The following CSMD2 variants were observed in gnomAD, a reference collection of about 807,000 sequenced individuals.
The protein encoded by CSMD2 is CUB and sushi domain-containing protein 2.
In CSMD2, 130 loss-of-function variants were observed where a neutral mutation model predicts 398.5. That is an observed-to-expected ratio of 0.33 (90% CI 0.28 to 0.38). The LOEUF is 0.38. Among genes scored for constraint, CSMD2 ranks in the 10% least tolerant of loss-of-function variants. The pLI, the probability that CSMD2 is intolerant of heterozygous loss-of-function variation, is 1.00. For missense variants in CSMD2, 3,829 were observed against 4,764.9 expected (o/e 0.80, Z 5.78); for synonymous variants, 1,828 against 1,908.5 (o/e 0.96, Z 1.10).
intron 42 of CSMD2, among the ~76,000 whole-genome samples, chr1:33,603,444 A>C (rs1640368130): frequency 6.6e-6 from 1 of 152,216 alleles, no homozygotes; most frequent in Non-Finnish European, 1.5e-5. Context: ...GGCATCAAGC[A>C]GACATCTGGT....
At chr1:33,535,111 C>T (rs533503214) in intron 62 of CSMD2, among the ~76,000 whole-genome samples, 3 of 152,278 alleles carry the variant, frequency 2.0e-5, no homozygotes, top group South Asian at 4.1e-4. Flanking sequence ...ATGACCTGTC[C>T]CATGCTGCCG....
In CSMD2 at chr1:33,645,412, A is replaced by G. The variant is rs578021000; in HGVS notation, c.4774+1236T>C. 8.6e-5 allele frequency among the ~76,000 whole-genome samples: 13 copies of G among 151,866 alleles called. No homozygotes were observed. The East Asian group carries it at 2.5e-3, about 29-fold the overall frequency. Reference sequence around the variant, plus strand: ...ACACACATATATAAAATATGCATGTATAAAATATCTTTTAATCTTAACCTC... The same window carrying G: ...ACACACATATATAAAATATGCATGTGTAAAATATCTTTTAATCTTAACCTC... On this transcript the variant is annotated intron_variant, in intron 29 of 70. Transcript: ENST00000373381.
chr1:33,627,155 T>C (rs1642178812), intron 32 of CSMD2, among the ~76,000 whole-genome samples: 1 of 152,166 alleles, frequency 6.6e-6, no homozygotes, highest in South Asian at 2.1e-4. Flanking sequence ...TCAAAGAAAG[T>C]GCTATCAATA....
At chr1:34,010,914 C>T (rs1647259808) in intron 3 of CSMD2, among the ~76,000 whole-genome samples, 2 of 152,186 alleles carry the variant, frequency 1.3e-5, no homozygotes, top group African/African-American at 2.4e-5. Flanking sequence ...CATGAGCCAC[C>T]GCGCCTGGCC....
chr1:33,739,259 C>T lies in CSMD2; in HGVS notation c.2249G>A (p.Gly750Asp), dbSNP rs1400452861. Residue 750 changes from glycine (G) to aspartate (D), a missense_variant, in exon 15 of 71, where the codon GGC becomes GAC. Gly to Asp is a moderately conservative substitution (Grantham distance 94, BLOSUM62 -1). Transcript: ENST00000373381. ...ATCACAGAGGAAGGAGATGGAGCTG[C>T]CCAGCTGGAGGCTGTCCCCAAACCG... ...GKRFGDSLQL[G>D]SSISFLCDEG... 1.2e-6 allele frequency: 2 copies of T among 1,614,092 alleles called. No homozygotes were observed. The highest frequency in any genetic ancestry group is 1.1e-5 in the South Asian group (1 of 91,088).
At chr1:33,584,438 G>A (rs1476745475) in intron 46 of CSMD2, among the ~76,000 whole-genome samples, 2 of 152,122 alleles carry the variant, frequency 1.3e-5, no homozygotes, top group Admixed American at 6.5e-5. Context: ...GTGGGAGGCC[G>A]GGGCGGGTGA....
At chr1:33,671,829 A>C (rs1360949260) in intron 25 of CSMD2, among the ~76,000 whole-genome samples, 4 of 152,216 alleles carry the variant, frequency 2.6e-5, no homozygotes, top group African/African-American at 9.6e-5. Context: ...CCCACAGGCA[A>C]AACTTGCTTC....
chr1:34,047,096 T>C (rs1173779391), intron 2 of CSMD2, among the ~76,000 whole-genome samples: 1 of 152,092 alleles, frequency 6.6e-6, no homozygotes, highest in Non-Finnish European at 1.5e-5. Flanking sequence ...CGATTTGGGA[T>C]AAAAGCCAAA....
chr1:34,019,398 T>C (rs1648575770), intron 3 of CSMD2, among the ~76,000 whole-genome samples: 1 of 152,222 alleles, frequency 6.6e-6, no homozygotes, highest in Admixed American at 6.5e-5. Context: ...CACATCTGAA[T>C]GTCAGCAGAA....
At chr1:33,732,115 C>T (rs1164593960) in intron 15 of CSMD2, among the ~76,000 whole-genome samples, 3 of 152,090 alleles carry the variant, frequency 2.0e-5, no homozygotes, top group Middle Eastern at 3.4e-3. Flanking sequence ...TGTCTGTGTG[C>T]GTGCACATGC....
At chr1:33,848,115 T>G (rs1420916708) in intron 5 of CSMD2, among the ~76,000 whole-genome samples, 1 of 152,108 alleles carries the variant, frequency 6.6e-6, no homozygotes, top group Non-Finnish European at 1.5e-5. Flanking sequence ...GGTCCTTATA[T>G]CCTATGTGAA....
intron 27 of CSMD2, among the ~76,000 whole-genome samples, chr1:33,656,242 G>A (rs2148980956): frequency 6.6e-6 from 1 of 152,338 alleles, no homozygotes; most frequent in East Asian, 1.9e-4. Flanking sequence ...CATAAGGGAA[G>A]TGTATTTACC....
intron 44 of CSMD2, among the ~76,000 whole-genome samples, chr1:33,588,153 A>G (rs1447397287): frequency 2.6e-5 from 4 of 152,140 alleles, no homozygotes; most frequent in South Asian, 2.1e-4. Context: ...AACTTGCATT[A>G]TATGTTATAT....
chr1:33,993,103 T>C (rs999688091), intron 3 of CSMD2, among the ~76,000 whole-genome samples: 1 of 152,176 alleles, frequency 6.6e-6, no homozygotes, highest in Non-Finnish European at 1.5e-5. Context: ...TATATGTATA[T>C]GTCTGTGTCT....
intron 1 of CSMD2, among the ~76,000 whole-genome samples, chr1:34,145,910 G>A (rs987594385): frequency 6.6e-5 from 10 of 152,154 alleles, no homozygotes; most frequent in East Asian, 3.9e-4. Context: ...GAGGCTTCTC[G>A]AGAGGCACAA....
intron 23 of CSMD2, among the ~76,000 whole-genome samples, chr1:33,700,199 G>C (rs1477549996): frequency 1.6e-4 from 24 of 152,008 alleles, no homozygotes; most frequent in Admixed American, 1.6e-3. Context: ...AGTAGAGATG[G>C]GGTTTCACCA....
chr1:33,575,999 C>T (rs1342409419), intron 49 of CSMD2, among the ~76,000 whole-genome samples: 2 of 152,090 alleles, frequency 1.3e-5, no homozygotes, highest in Non-Finnish European at 2.9e-5. Context: ...AAATGCAGTG[C>T]CTAACGTTGA....
intron 2 of CSMD2, among the ~76,000 whole-genome samples, chr1:34,051,142 C>A (rs1179722313): frequency 2.0e-5 from 3 of 152,182 alleles, no homozygotes; most frequent in Non-Finnish European, 2.9e-5. Context: ...TAAAGAAGAT[C>A]CCTTAGGTTA....
intron 13 of CSMD2, among the ~76,000 whole-genome samples, chr1:33,751,462 A>C (rs1351103195): frequency 2.6e-5 from 4 of 152,204 alleles, no homozygotes; most frequent in Non-Finnish European, 1.5e-5. Context: ...GCAATTTCAG[A>C]GACGTGGTGG....
Sources: allele counts gnomAD v4.1 joint callset (sites outside exome capture counted in the v4.1 genomes callset), GRCh38; gene constraint gnomAD v4.1.1; transcripts MANE v1.5; gene names NCBI Gene and HGNC (gene_info 2026-07-23, HGNC 2026-07-21).